RALGAPA2: variants seen among roughly 807,000 people sequenced by gnomAD.
RALGAPA2 encodes Ral GTPase activating protein catalytic subunit alpha 2.
RALGAPA2 carries 139 observed loss-of-function variants against 230.4 expected under a neutral mutation model. That is an observed-to-expected ratio of 0.60 (90% confidence interval 0.53 to 0.69). The LOEUF is 0.69. Ranked by LOEUF, RALGAPA2 falls within the 30% of genes least tolerant of loss-of-function variation. The pLI is 0.00. For missense variants in RALGAPA2, 2,163 were observed against 2,276.0 expected (o/e 0.95, Z 1.01); for synonymous variants, 847 against 837.8 (o/e 1.01, Z -0.19).
At chr20:20,579,670 T>C (rs1165790524) in intron 20 of RALGAPA2, among the ~76,000 whole-genome samples, 3 of 152,208 alleles carry the variant, frequency 2.0e-5, no homozygotes, top group African/African-American at 7.2e-5. Flanking sequence ...AAAAAAGACG[T>C]TTTCTTCCAA....
At chr20:20,559,789 C>T (rs1213704452) in intron 23 of RALGAPA2, among the ~76,000 whole-genome samples, 1 of 151,940 alleles carries the variant, frequency 6.6e-6, no homozygotes. Context: ...TGAACTTGGG[C>T]AGATACTTTA....
At chr20:20,522,761 T>G (rs927736421) in intron 30 of RALGAPA2, among the ~76,000 whole-genome samples, 1 of 152,288 alleles carries the variant, frequency 6.6e-6, no homozygotes, top group South Asian at 2.1e-4. Context: ...AGTTATTTAG[T>G]AAATTTATGA....
intron 3 of RALGAPA2, among the ~76,000 whole-genome samples, chr20:20,662,536 A>G (rs541810096): frequency 6.6e-6 from 1 of 152,344 alleles, no homozygotes; most frequent in African/African-American, 2.4e-5. Flanking sequence ...TAAAAATAAA[A>G]GCAAAAATGA....
chr20:20,440,957 T>C (rs575182259), intron 37 of RALGAPA2, among the ~76,000 whole-genome samples: 3 of 152,382 alleles, frequency 2.0e-5, no homozygotes, highest in East Asian at 3.8e-4. Context: ...GCAATAGCAA[T>C]AGCCCCAGCT....
rs560935110 is a variant in RALGAPA2, at chr20:20,620,509, T to C, written c.1355A>G (p.Gln452Arg). ...MEEPDRKDVA[Q>R]EDAEKLGFSE... ...AAATCCTAATTTTTCAGCATCTTCTTGGGCAACATCTTTTCTATCTGGCTC... is the reference window on the plus strand; with the variant it reads ...AAATCCTAATTTTTCAGCATCTTCTCGGGCAACATCTTTTCTATCTGGCTC... The change falls in exon 11 of 40, where the codon CAA becomes CGA. Residue 452 changes from glutamine (Q) to arginine (R), a missense_variant. Physicochemically the swap from Gln to Arg is conservative, Grantham distance 43 (BLOSUM62 1). Coordinates refer to ENST00000202677, the MANE Select transcript of RALGAPA2 (RefSeq NM_020343.4). 6.2e-7 allele frequency: 1 copy of C among 1,613,976 alleles called. No homozygotes were observed. The highest frequency in any genetic ancestry group is 2.2e-5 in the East Asian group (1 of 44,876).
At chr20:20,671,911 TA>T (rs1480866084) in intron 3 of RALGAPA2, among the ~76,000 whole-genome samples, 1 of 151,822 alleles carries the variant, frequency 6.6e-6, no homozygotes, top group African/African-American at 2.4e-5. Context: ...AACAAGGGAC[TA>T]AAAAATGGTG....
chr20:20,590,213 TTCC>T (rs1214707558), intron 17 of RALGAPA2, among the ~76,000 whole-genome samples: 3 of 152,088 alleles, frequency 2.0e-5, no homozygotes, highest in Non-Finnish European at 4.4e-5. Flanking sequence ...CTTGAACTTA[TTCC>T]TCCTCCATAA....
intron 6 of RALGAPA2, 146 bp downstream of exon 6, chr20:20,640,555 T>A: frequency 1.3e-6 from 1 of 747,196 alleles, no homozygotes; most frequent in Non-Finnish European, 2.1e-6. Flanking sequence ...TTCTAAGGTA[T>A]GTAAGAATCT....
intron 1 of RALGAPA2, among the ~76,000 whole-genome samples, chr20:20,681,183 G>C (rs1403204334): frequency 6.6e-6 from 1 of 152,208 alleles, no homozygotes; most frequent in Non-Finnish European, 1.5e-5. Flanking sequence ...AGGCCGTGAA[G>C]AGGGATGGGT....
rs535876715 is a variant in RALGAPA2 at position 20,431,737 on chromosome 20, T to C, written c.5496-19589A>G. 5.9e-5 allele frequency among the ~76,000 whole-genome samples: 9 copies of C among 152,314 alleles called. No homozygotes were observed. In the South Asian group the frequency reaches 1.9e-3, roughly 32 times the overall value. ...TAAATGTAAGTATGTGAAGTAATAG[T>C]TGATTAGCCTGATCTAATCAACCTG... On this transcript the variant is annotated intron_variant, in intron 37 of 39. Coordinates refer to ENST00000202677, the MANE Select transcript of RALGAPA2 (RefSeq NM_020343.4).
chr20:20,691,045 C>T (rs2068886310), intron 1 of RALGAPA2, among the ~76,000 whole-genome samples: 1 of 152,192 alleles, frequency 6.6e-6, no homozygotes, highest in African/African-American at 2.4e-5. Context: ...TACCCTACCT[C>T]TGCCGCCCAC....
chr20:20,683,427 C>A (rs1446926681), intron 1 of RALGAPA2, among the ~76,000 whole-genome samples: 1 of 152,206 alleles, frequency 6.6e-6, no homozygotes, highest in African/African-American at 2.4e-5. Context: ...CAAGGCCCTG[C>A]CTGATTTCCC....
intron 39 of RALGAPA2, among the ~76,000 whole-genome samples, chr20:20,395,183 G>C (rs1026519249): frequency 1.3e-5 from 2 of 152,206 alleles, no homozygotes; most frequent in Non-Finnish European, 2.9e-5. Flanking sequence ...GGGGCAAAGG[G>C]CAAAGCCACC....
At chr20:20,450,765 C>T (rs2060970553) in intron 37 of RALGAPA2, among the ~76,000 whole-genome samples, 1 of 152,262 alleles carries the variant, frequency 6.6e-6, no homozygotes, top group African/African-American at 2.4e-5. Flanking sequence ...TTTTGCACAT[C>T]GTGCACTGAT....
intron 23 of RALGAPA2, among the ~76,000 whole-genome samples, chr20:20,557,049 C>T (rs2064104619): frequency 6.6e-6 from 1 of 152,146 alleles, no homozygotes; most frequent in Non-Finnish European, 1.5e-5. Context: ...ATGGCTTATG[C>T]CTGTAATCCC....
At chr20:20,688,949 G>A (rs1007007592) in intron 1 of RALGAPA2, among the ~76,000 whole-genome samples, 14 of 152,072 alleles carry the variant, frequency 9.2e-5, no homozygotes, top group African/African-American at 3.1e-4. Flanking sequence ...AGCAATGAAG[G>A]TCCACCCTGC....
At chr20:20,687,139 T>C (rs1345734278) in intron 1 of RALGAPA2, among the ~76,000 whole-genome samples, 1 of 152,056 alleles carries the variant, frequency 6.6e-6, no homozygotes, top group Non-Finnish European at 1.5e-5. Flanking sequence ...AGGCTGGTGA[T>C]AGGAAAAAGG....
chr20:20,675,784 ATATG>A (rs2068302163), intron 3 of RALGAPA2, among the ~76,000 whole-genome samples: 1 of 152,140 alleles, frequency 6.6e-6, no homozygotes, highest in South Asian at 2.1e-4. Flanking sequence ...ATTTATATAT[ATATG>A]TATTTATATA....
chr20:20,474,410 T>C (rs1318667036), intron 36 of RALGAPA2, among the ~76,000 whole-genome samples: 1 of 152,148 alleles, frequency 6.6e-6, no homozygotes, highest in African/African-American at 2.4e-5. Context: ...CTCCTGAGGA[T>C]TTAGGGAAGC....
Sources: allele counts gnomAD v4.1 joint callset (sites outside exome capture counted in the v4.1 genomes callset), GRCh38; gene constraint gnomAD v4.1.1; transcripts MANE v1.5; gene names NCBI Gene and HGNC (gene_info 2026-07-23, HGNC 2026-07-21).